The following HDAC9 variants were observed in gnomAD, a reference collection of about 807,000 sequenced individuals.
HDAC9 encodes the protein histone deacetylase 9.
HDAC9 carries 41 observed loss-of-function variants against 139.4 expected under a neutral mutation model. That is an observed-to-expected ratio of 0.29 (90% CI 0.23 to 0.38). The LOEUF is 0.38. Among genes scored for constraint, HDAC9 ranks in the 10% least tolerant of loss-of-function variants. HDAC9 has a pLI of 1.00. For missense variants in HDAC9, 1,147 were observed against 1,297.0 expected (o/e 0.88, Z 1.78); for synonymous variants, 517 against 476.2 (o/e 1.09, Z -1.12).
chr7:18,395,406 T>C (rs964239198), intron 1 of HDAC9, among the ~76,000 whole-genome samples: 5 of 152,120 alleles, frequency 3.3e-5, no homozygotes, highest in Non-Finnish European at 7.4e-5. Flanking sequence ...TTTGCACTTC[T>C]TCTCTATTGG....
intron 1 of HDAC9, among the ~76,000 whole-genome samples, chr7:18,454,816 G>T (rs1002115567): frequency 3.3e-5 from 5 of 151,668 alleles, no homozygotes; most frequent in Non-Finnish European, 5.9e-5. Flanking sequence ...CTAATTATGG[G>T]GTTAAATATA....
At chr7:18,552,968 G>A (rs1817626232) in intron 2 of HDAC9, among the ~76,000 whole-genome samples, 1 of 152,166 alleles carries the variant, frequency 6.6e-6, no homozygotes, top group South Asian at 2.1e-4. Flanking sequence ...TACTGGCAGC[G>A]TGTTATTTTC....
intron 2 of HDAC9, among the ~76,000 whole-genome samples, chr7:18,527,193 G>C (rs975188725): frequency 5.3e-5 from 8 of 152,128 alleles, no homozygotes. Flanking sequence ...CTAGGAAGTG[G>C]TAGTGGCTCT....
chr7:18,389,334 G>T (rs1400093344), intron 1 of HDAC9, among the ~76,000 whole-genome samples: 1 of 152,170 alleles, frequency 6.6e-6, no homozygotes, highest in Non-Finnish European at 1.5e-5. Context: ...TCACGTAAGA[G>T]TCCTGGAGTT....
intron 1 of HDAC9, among the ~76,000 whole-genome samples, chr7:18,456,003 T>C (rs213268): frequency 0.02 from 2,992 of 152,260 alleles, 106 homozygotes; most frequent in African/African-American, 0.068. Flanking sequence ...GCTAGGGAGA[T>C]TTAACTCCTT....
intron 17 of HDAC9, among the ~76,000 whole-genome samples, chr7:18,807,595 C>A (rs188173961): frequency 2.0e-5 from 3 of 152,118 alleles, no homozygotes; most frequent in African/African-American, 4.8e-5. Context: ...CCTAGAACTG[C>A]TTTTGCTGCA....
chr7:18,252,297 G>A (rs946786435), intron 2 of HDAC9, among the ~76,000 whole-genome samples: 11 of 152,188 alleles, frequency 7.2e-5, no homozygotes, highest in East Asian at 3.9e-4. Flanking sequence ...GAGAACTACA[G>A]GCAGATTGTC....
intron 12 of HDAC9, among the ~76,000 whole-genome samples, chr7:18,686,202 A>C (rs909872216): frequency 7.2e-5 from 11 of 152,084 alleles, no homozygotes; most frequent in Admixed American, 5.3e-4. Flanking sequence ...TAACTTCAAA[A>C]TACAGTACTT....
chr7:18,303,877 C>T (rs1798738271), intron 1 of HDAC9, among the ~76,000 whole-genome samples: 2 of 145,766 alleles, frequency 1.4e-5, no homozygotes, highest in African/African-American at 5.0e-5. Context: ...TCTGCTGTAG[C>T]AGTGTTCTAG....
chr7:18,824,480 T>C (rs1243876974), intron 17 of HDAC9, among the ~76,000 whole-genome samples: 1 of 151,994 alleles, frequency 6.6e-6, no homozygotes. Flanking sequence ...ATAAATGAGA[T>C]GAATGGATTG....
chr7:18,997,667 T>C lies in HDAC9; in HGVS notation c.*1605T>C, dbSNP rs1049892296. On this transcript the variant is annotated 3_prime_UTR_variant, in exon 26 of 26. Transcript: ENST00000686413. ...AGGGAAGGCCATGATATGAAAGATA[T>C]GGAACAATATGGTTTTAGTTAGAGA... 1.3e-5 allele frequency: 2 copies of C among 152,178 alleles called. No homozygotes were observed. Among genetic ancestry groups the C allele is most frequent in the African/African-American group, 4.8e-5 (2 of 41,466 alleles). The allele number at this position is 152,178 out of a possible 1,614,324, so 9.4% of individuals were successfully genotyped here. A position where few individuals can be genotyped will look rare whatever the true frequency, so the allele number is the denominator to read the frequency against.
intron 22 of HDAC9, among the ~76,000 whole-genome samples, chr7:18,908,602 A>G (rs565964214): frequency 1.3e-5 from 2 of 151,994 alleles, no homozygotes; most frequent in Non-Finnish European, 2.9e-5. Context: ...CTTCCATGAC[A>G]TCAACTCTTT....
intron 6 of HDAC9, among the ~76,000 whole-genome samples, chr7:18,600,370 C>G (rs1351845150): frequency 1.3e-5 from 2 of 151,932 alleles, no homozygotes; most frequent in African/African-American, 4.8e-5. Flanking sequence ...TTTGCCAAAC[C>G]CAGCGTTAAC....
intron 2 of HDAC9, among the ~76,000 whole-genome samples, chr7:18,542,858 A>G (rs1449282470): frequency 6.6e-6 from 1 of 152,192 alleles, no homozygotes; most frequent in Admixed American, 6.5e-5. Flanking sequence ...TATGTTAAAA[A>G]TTAATGAAGT....
chr7:18,140,911 T>C (rs961337446), intron 1 of HDAC9, among the ~76,000 whole-genome samples: 1 of 151,556 alleles, frequency 6.6e-6, no homozygotes, highest in African/African-American at 2.4e-5. Context: ...CTTTAAAGTT[T>C]TTTTTTTTTT....
chr7:18,581,888 A>G (rs949932921), intron 2 of HDAC9, among the ~76,000 whole-genome samples: 2 of 152,180 alleles, frequency 1.3e-5, no homozygotes, highest in Non-Finnish European at 2.9e-5. Flanking sequence ...CATCTTTGAG[A>G]AGTCAATGTC....
intron 23 of HDAC9, among the ~76,000 whole-genome samples, chr7:18,938,701 A>G (rs960976130): frequency 1.1e-4 from 16 of 152,246 alleles, no homozygotes; most frequent in African/African-American, 3.9e-4. Flanking sequence ...AGGAGAGTGA[A>G]TACTGCAACT....
intron 2 of HDAC9, among the ~76,000 whole-genome samples, chr7:18,216,448 A>T (rs1468264811): frequency 6.6e-6 from 1 of 152,106 alleles, no homozygotes; most frequent in Non-Finnish European, 1.5e-5. Context: ...GCATCTGTAC[A>T]TCTGGTTTTG....
chr7:18,181,011 C>T (rs1372191778), intron 2 of HDAC9, among the ~76,000 whole-genome samples: 1 of 152,184 alleles, frequency 6.6e-6, no homozygotes, highest in East Asian at 1.9e-4. Context: ...TCCTCCTTCA[C>T]TCTTATATGC....
Sources: allele counts gnomAD v4.1 joint callset (sites outside exome capture counted in the v4.1 genomes callset), GRCh38; gene constraint gnomAD v4.1.1; transcripts MANE v1.5; gene names NCBI Gene and HGNC (gene_info 2026-07-23, HGNC 2026-07-21).